Variants in GRIN2B observed in about 807,000 individuals in gnomAD.
GRIN2B encodes the protein glutamate ionotropic receptor NMDA type subunit 2B, also known as glutamate receptor ionotropic, NMDA 2B.
GRIN2B carries 5 observed loss-of-function variants against 114.5 expected under a neutral mutation model. The observed-to-expected ratio is 0.04, with a 90% CI of 0.02 to 0.09. GRIN2B has a LOEUF of 0.09. Ranked by LOEUF, GRIN2B falls within the 10% of genes least tolerant of loss-of-function variation. The pLI is 1.00. For synonymous variants in GRIN2B, 787 were observed against 745.1 expected, an observed-to-expected ratio of 1.06 and a Z score of -0.92; for missense variants, 1,108 against 1,943.5, an observed-to-expected ratio of 0.57 and a Z score of 8.08.
intron 13 of GRIN2B, among the ~76,000 whole-genome samples, chr12:13,565,701 A>G (rs1238311327): frequency 2.0e-5 from 3 of 152,214 alleles, no homozygotes; most frequent in African/African-American, 7.2e-5. Flanking sequence ...ATTATAATGA[A>G]CGGGACTAAT....
intron 3 of GRIN2B, among the ~76,000 whole-genome samples, chr12:13,771,117 G>A (rs1317001604): frequency 3.3e-5 from 5 of 152,134 alleles, no homozygotes; most frequent in Admixed American, 6.6e-5. Context: ...GATCTTTCCT[G>A]TGCTGGTCTT....
intron 5 of GRIN2B, among the ~76,000 whole-genome samples, chr12:13,621,613 G>GGT (rs1949515879): frequency 1.4e-5 from 1 of 72,368 alleles, no homozygotes; most frequent in African/African-American, 5.6e-5. Context: ...CCTAGTTTTT[G>GGT]TTTTTTTTTT....
intron 5 of GRIN2B, among the ~76,000 whole-genome samples, chr12:13,620,866 ATTTT>A (rs55658314): frequency 6.9e-6 from 1 of 145,078 alleles, no homozygotes; most frequent in Non-Finnish European, 1.5e-5. Context: ...TAAAGTCGTT[ATTTT>A]TTTTTTTCGT....
chr12:13,572,083 GA>G, intron 10 of GRIN2B, 119 bp from the exon 11 acceptor site: 3 of 798,378 alleles, frequency 3.8e-6, no homozygotes, highest in Non-Finnish European at 6.4e-6. Flanking sequence ...ATTTATAATG[GA>G]AGGGACCCAA....
At chr12:13,759,201 G>C (rs1298615272) in intron 3 of GRIN2B, among the ~76,000 whole-genome samples, 2 of 151,408 alleles carry the variant, frequency 1.3e-5, no homozygotes, top group Non-Finnish European at 2.9e-5. Context: ...AGTAGAGATG[G>C]GGTTTCATCA....
intron 2 of GRIN2B, among the ~76,000 whole-genome samples, chr12:13,936,140 C>G (rs1423747754): frequency 6.6e-6 from 1 of 152,074 alleles, no homozygotes; most frequent in Non-Finnish European, 1.5e-5. Context: ...TGGCTGAGGG[C>G]TGAGTTATAC....
chr12:13,942,857 C>G (rs1004655350), intron 2 of GRIN2B, among the ~76,000 whole-genome samples: 15 of 152,152 alleles, frequency 9.9e-5, no homozygotes, highest in African/African-American at 3.6e-4. Context: ...ACAGCACAAT[C>G]TCATTATCAT....
chr12:13,978,190 G>A (rs1254506229), intron 2 of GRIN2B, among the ~76,000 whole-genome samples: 3 of 152,184 alleles, frequency 2.0e-5, no homozygotes, highest in Admixed American at 1.3e-4. Flanking sequence ...ATTGCACATG[G>A]AGCTGCCTTT....
chr12:13,825,494 T>TATATA (rs71448874), intron 3 of GRIN2B, among the ~76,000 whole-genome samples: 10,052 of 44,692 alleles, frequency 0.22, 492 homozygotes, highest in South Asian at 0.35. Flanking sequence ...TATATATATA[T>TATATA]TTTGTGTGTG....
intron 10 of GRIN2B, among the ~76,000 whole-genome samples, chr12:13,575,958 A>ACATT (rs1365110253): frequency 6.6e-6 from 1 of 152,242 alleles, no homozygotes; most frequent in Non-Finnish European, 1.5e-5. Flanking sequence ...TGAAGTTCTA[A>ACATT]CATTTAAAAT....
intron 3 of GRIN2B, among the ~76,000 whole-genome samples, chr12:13,808,221 G>A (rs1252218350): frequency 6.6e-6 from 1 of 152,008 alleles, no homozygotes. Context: ...TAACTGATGG[G>A]CAATTTGCTT....
At chr12:13,940,708 T>C (rs1867228771) in intron 2 of GRIN2B, among the ~76,000 whole-genome samples, 1 of 151,420 alleles carries the variant, frequency 6.6e-6, no homozygotes, top group Non-Finnish European at 1.5e-5. Flanking sequence ...AAATAACAGG[T>C]GGCCTGGCTG....
Position 13,732,097 on chromosome 12 carries a change from G to A in GRIN2B, c.1010+21220C>T, listed in dbSNP as rs139886304. On this transcript the variant is annotated intron_variant, in intron 4 of 13. Coordinates refer to ENST00000609686, the MANE Select transcript of GRIN2B (RefSeq NM_000834.5). ...AGTTGAACTCATTTACAGAATGAGA[G>A]CATATAAGAGCTAAAATTTAATGTA... is the stretch of plus-strand genomic sequence containing the variant. Among the ~76,000 whole-genome samples, 367 of 151,422 alleles carry A rather than the reference G, an allele frequency of 2.4e-3. 3 individuals carry two copies. Among genetic ancestry groups the A allele is most frequent in the African/African-American group, 8.2e-3 (341 of 41,366 alleles).
chr12:13,567,110 C>A lies in GRIN2B; in HGVS notation c.2513G>T (p.Cys838Phe). 6.2e-7 allele frequency: 1 copy of A among 1,614,176 alleles called. No homozygotes were observed. Among genetic ancestry groups the A allele is most frequent in the Non-Finnish European group, 8.5e-7 (1 of 1,180,006 alleles). ...AMALSLITFI[C>F]EHLFYWQFRH... Reference sequence around the variant, plus strand: ...GAACTGCCAATAGAAAAGGTGTTCGCAGATGAAGGTGATGAGGCTGAGAGC... The same window carrying A: ...GAACTGCCAATAGAAAAGGTGTTCGAAGATGAAGGTGATGAGGCTGAGAGC... The change falls in exon 13 of 14, where the codon TGC (cysteine) becomes TTC (phenylalanine). Residue 838 changes from cysteine to phenylalanine, a missense_variant. Around this residue, in one of 19 missense-constraint regions of GRIN2B, gnomAD observed 30 missense variants for 35.9 expected, o/e 0.84. Coordinates refer to ENST00000609686, the MANE Select transcript of GRIN2B (RefSeq NM_000834.5).
intron 4 of GRIN2B, among the ~76,000 whole-genome samples, chr12:13,740,359 CA>C (rs1362147836): frequency 2.0e-5 from 3 of 152,154 alleles, no homozygotes; most frequent in African/African-American, 7.2e-5. Flanking sequence ...GCACAGGGTT[CA>C]GTACATACAG....
rs138920528 is a variant in GRIN2B at position 13,686,641 on chromosome 12, G to A, written c.1011-10782C>T. On this transcript the variant is annotated intron_variant, in intron 4 of 13. Transcript: ENST00000609686. ...TTTATTTTCTATCTCTTCTTACTGG[G>A]AACTTTTTAAAAAAGTAATTGGCGC... 2.6e-5 allele frequency among the ~76,000 whole-genome samples: 4 copies of A among 152,084 alleles called. No homozygotes were observed. In the East Asian group the frequency reaches 7.7e-4, roughly 29 times the overall value.
At position 13,556,147 on chromosome 12, in the gene GRIN2B, A is replaced by G. The variant is rs1222993214; in HGVS notation, c.*6636T>C. ...GTTGTGGTTAGAGAGGAAATCCCAG[A>G]GTTTTAGCTCTGGGAGGTGTAATAA... On this transcript the variant is annotated 3_prime_UTR_variant, in exon 14 of 14. Coordinates refer to ENST00000609686, the MANE Select transcript of GRIN2B (RefSeq NM_000834.5). 1 of 152,156 alleles carries G rather than the reference A, an allele frequency of 6.6e-6. No homozygotes were observed. The highest frequency in any genetic ancestry group is 2.4e-5 in the African/African-American group (1 of 41,424). 9.4% of individuals were successfully genotyped at this position (152,156 alleles called of 1,614,324 possible). A position where few individuals can be genotyped will look rare whatever the true frequency, so the allele number is the denominator to read the frequency against.
intron 2 of GRIN2B, among the ~76,000 whole-genome samples, chr12:13,907,330 C>G (rs944772498): frequency 4.0e-5 from 6 of 151,688 alleles, no homozygotes; most frequent in African/African-American, 1.2e-4. Flanking sequence ...TCTCTACTAA[C>G]AATACAAAAA....
intron 3 of GRIN2B, among the ~76,000 whole-genome samples, chr12:13,755,356 G>A (rs1267206414): frequency 6.6e-6 from 1 of 152,180 alleles, no homozygotes; most frequent in Non-Finnish European, 1.5e-5. Flanking sequence ...CCAGCCCCTG[G>A]CTCTGCCTGG....
Sources: allele counts gnomAD v4.1 joint callset (sites outside exome capture counted in the v4.1 genomes callset), GRCh38; gene constraint gnomAD v4.1.1; regional missense constraint gnomAD v4.1.1; transcripts MANE v1.5; gene names NCBI Gene and HGNC (gene_info 2026-07-23, HGNC 2026-07-21).